The following TBC1D22B variants were observed in gnomAD, a reference collection of about 807,000 sequenced individuals.
TBC1D22B encodes TBC1 domain family member 22B.
Under a neutral mutation model 69.1 loss-of-function variants are expected in TBC1D22B, and 32 were observed. The observed-to-expected ratio is 0.46, with a 90% confidence interval of 0.35 to 0.62. The LOEUF is 0.62. TBC1D22B is among the 20% of genes least tolerant of loss of function. The pLI, the probability that TBC1D22B is intolerant of heterozygous loss-of-function variation, is 0.00. For missense variants in TBC1D22B, 462 were observed against 630.9 expected, an observed-to-expected ratio of 0.73 and a Z score of 2.87; for synonymous variants, 206 against 229.8, an observed-to-expected ratio of 0.90 and a Z score of 0.94.
Position 37,315,733 on chromosome 6 carries a change from G to A in TBC1D22B, c.1166-970G>A, listed in dbSNP as rs115857244. ...TGGAATTATAGGTGCGCACCATGAC[G>A]CCTGGCCAATTTTTGTATTTTCAGT... is the stretch of plus-strand genomic sequence containing the variant. On this transcript the variant is annotated intron_variant, in intron 10 of 12. Coordinates refer to ENST00000373491, the MANE Select transcript of TBC1D22B (RefSeq NM_017772.4). 3.7e-3 allele frequency among the ~76,000 whole-genome samples: 560 copies of A among 152,050 alleles called. 2 individuals are homozygous for A. Among genetic ancestry groups the A allele is most frequent in the African/African-American group, 0.012 (518 of 41,512 alleles).
intron 9 of TBC1D22B, 87 bp downstream of exon 9, chr6:37,313,111 C>A: frequency 1.0e-6 from 1 of 1,000,254 alleles, no homozygotes; most frequent in Non-Finnish European, 1.6e-6. Flanking sequence ...TCTTCTGTAT[C>A]AGGCAGGACC....
Position 37,261,944 on chromosome 6 carries a change from AGTGTGTGTGTGTGTGTGTGT to A in TBC1D22B, c.56+4004_56+4023del, listed in dbSNP as rs70977641. Among the ~76,000 whole-genome samples the A allele has an allele frequency of 6.1e-3, 729 of 118,814 alleles. 14 individuals carry two copies. The highest frequency in any genetic ancestry group is 0.022 in the African/African-American group (681 of 30,946). The allele number at this position is 118,814 out of a possible 152,430, so 77.9% of individuals were successfully genotyped here. On this transcript the variant is annotated intron_variant, in intron 1 of 12. Coordinates refer to ENST00000373491, the MANE Select transcript of TBC1D22B (RefSeq NM_017772.4). ...GGGGAAAAATAAAAAAGCTTTGGTC[AGTGTGTGTGTGTGTGTGTGT>A]GTGTGTGTGTGTGTGTGTGTGTGTG...
Position 37,282,729 on chromosome 6 carries a change from CG to C in TBC1D22B, c.602-149del, listed in dbSNP as rs3215600. Among the ~76,000 whole-genome samples, 32 of 152,244 alleles carry C rather than the reference CG, an allele frequency of 2.1e-4. No individual in the cohort carries two copies. The East Asian group carries it at 6.2e-3, about 29-fold the overall frequency. On this transcript the variant is annotated intron_variant, in intron 4 of 12. Coordinates refer to ENST00000373491, the MANE Select transcript of TBC1D22B (RefSeq NM_017772.4). ...GCCGTGTCCTTGGCACTTAGCTGCT[CG>C]GGGCTGTTTTGGGCTTTTCACTGTG...
At position 37,316,320 on chromosome 6, in the gene TBC1D22B, G is replaced by A. The variant is rs757462221; in HGVS notation, c.1166-383G>A. On this transcript the variant is annotated intron_variant, in intron 10 of 12. Transcript: ENST00000373491. The stretch of plus-strand genomic sequence containing the variant: ...CGGGGATGCTGAAGAGGAGTTCCTC[G>A]CCAGTAGGAGGGTGGCCAAGGTGAC... 2.2e-4 allele frequency among the ~76,000 whole-genome samples: 34 copies of A among 152,160 alleles called. 1 individual carries two copies. Among genetic ancestry groups the A allele is most frequent in the South Asian group, 6.2e-4 (3 of 4,830 alleles).
At chr6:37,267,492 TATATATACACTATATATATA>T (rs1331557744) in intron 1 of TBC1D22B, among the ~76,000 whole-genome samples, 50 of 3,034 alleles carry the variant, frequency 0.016, no homozygotes, top group East Asian at 0.064. Flanking sequence ...CTATATATAA[TATATATACACTATATATATA>T]ATATATATAT....
intron 11 of TBC1D22B, 87 bp downstream of exon 11, chr6:37,316,917 A>C: frequency 6.3e-7 from 1 of 1,592,722 alleles, no homozygotes; most frequent in South Asian, 1.1e-5. Flanking sequence ...GCTGCTTAGA[A>C]GCTTCCCCTT....
At chr6:37,269,356 A>G (rs762904194) in intron 1 of TBC1D22B, among the ~76,000 whole-genome samples, 20 of 152,310 alleles carry the variant, frequency 1.3e-4, no homozygotes, top group Middle Eastern at 6.8e-3. Flanking sequence ...CCTTCTTTAC[A>G]CATAGGACAT....
At chr6:37,274,760 C>A (rs1766608495) in intron 2 of TBC1D22B, among the ~76,000 whole-genome samples, 1 of 152,070 alleles carries the variant, frequency 6.6e-6, no homozygotes, top group African/African-American at 2.4e-5. Context: ...TTTAAATAAT[C>A]TTGGTTAGGG....
chr6:37,289,481 T>A (rs1394741396), intron 7 of TBC1D22B, among the ~76,000 whole-genome samples: 3 of 152,224 alleles, frequency 2.0e-5, no homozygotes, highest in Non-Finnish European at 2.9e-5. Flanking sequence ...TTGTACCATG[T>A]GAGTGTGTCT....
At position 37,284,474 on chromosome 6, in the gene TBC1D22B, C is replaced by T; in HGVS notation, c.801+10C>T. On this transcript the variant is annotated intron_variant, in intron 6 of 12. Transcript: ENST00000373491. ...GGATACCTACAGACAGGTACAGTCACCACCTGCTGCCTCTTTGCTTACCAG... is the reference window on the plus strand; with the variant it reads ...GGATACCTACAGACAGGTACAGTCATCACCTGCTGCCTCTTTGCTTACCAG... 6.4e-7 allele frequency: 1 copy of T among 1,555,936 alleles called. No homozygotes were observed. Among genetic ancestry groups the T allele is most frequent in the South Asian group, 1.2e-5 (1 of 80,018 alleles).
intron 9 of TBC1D22B, among the ~76,000 whole-genome samples, chr6:37,313,307 TAGAGAGACCCC>T (rs1439360018): frequency 6.6e-6 from 1 of 151,996 alleles, no homozygotes; most frequent in East Asian, 1.9e-4. Flanking sequence ...CTAGGCAACA[TAGAGAGACCCC>T]TTCTCTACAA....
intron 2 of TBC1D22B, among the ~76,000 whole-genome samples, chr6:37,273,931 A>G (rs1277472777): frequency 3.9e-5 from 6 of 152,316 alleles, no homozygotes; most frequent in African/African-American, 1.2e-4. Flanking sequence ...AAGCCTTTAC[A>G]TTGGGTCTTC....
At chr6:37,277,591 G>A (rs1054048489) in intron 2 of TBC1D22B, among the ~76,000 whole-genome samples, 6 of 150,140 alleles carry the variant, frequency 4.0e-5, no homozygotes, top group Non-Finnish European at 5.9e-5. Context: ...TCAGCCTCCC[G>A]AGTAGCTGGG....
chr6:37,327,470 T>C (rs1768453702), intron 12 of TBC1D22B, among the ~76,000 whole-genome samples: 1 of 30,086 alleles, frequency 3.3e-5, no homozygotes, highest in South Asian at 1.7e-3. Flanking sequence ...AGAGCCAGAC[T>C]CCGACTCAAA....
intron 12 of TBC1D22B, among the ~76,000 whole-genome samples, chr6:37,317,770 C>G (rs1768124590): frequency 6.6e-6 from 1 of 152,048 alleles, no homozygotes; most frequent in African/African-American, 2.4e-5. Context: ...AACATCTGAG[C>G]AAAGACCTGG....
At position 37,316,708 on chromosome 6, in the gene TBC1D22B, G is replaced by A; in HGVS notation, c.1171G>A (p.Val391Ile). 1 of 1,614,148 alleles carries A rather than the reference G, an allele frequency of 6.2e-7. No homozygotes were observed. Among genetic ancestry groups the A allele is most frequent in the East Asian group, 2.2e-5 (1 of 44,880 alleles). The change falls in exon 11 of 13, where the codon GTA (valine) becomes ATA (isoleucine). Residue 391 changes from valine (V) to isoleucine (I), a missense_variant. Val to Ile is a conservative substitution (Grantham distance 29). Around this residue, in one of 2 missense-constraint regions of TBC1D22B, gnomAD observed 225 missense variants for 375.4 expected, o/e 0.60. Transcript: ENST00000373491. ...AATGATGCTTCCTGTTTCAGAGCAG[G>A]TACATAATCACTTCAGGAGGTACGA... Reference protein sequence around the residue: ...EELVSRIDEQVHNHFRRYEVE... With the variant: ...EELVSRIDEQIHNHFRRYEVE...
At chr6:37,304,834 A>C (rs1023894447) in intron 8 of TBC1D22B, among the ~76,000 whole-genome samples, 2 of 152,246 alleles carry the variant, frequency 1.3e-5, no homozygotes, top group Admixed American at 1.3e-4. Context: ...AGAAACAGAC[A>C]ATCAACTGAA....
chr6:37,292,486 C>A (rs1398529302), intron 8 of TBC1D22B, among the ~76,000 whole-genome samples: 1 of 152,138 alleles, frequency 6.6e-6, no homozygotes, highest in African/African-American at 2.4e-5. Context: ...CCCCACCCCC[C>A]CGCCTTAATA....
intron 1 of TBC1D22B, among the ~76,000 whole-genome samples, chr6:37,264,257 T>C (rs1221390387): frequency 2.0e-5 from 3 of 152,106 alleles, no homozygotes. Context: ...CCAGATCCAA[T>C]AGAGTGGCTT....
Sources: allele counts gnomAD v4.1 joint callset (sites outside exome capture counted in the v4.1 genomes callset), GRCh38; gene constraint gnomAD v4.1.1; regional missense constraint gnomAD v4.1.1; transcripts MANE v1.5; gene names NCBI Gene and HGNC (gene_info 2026-07-23, HGNC 2026-07-21).